STK39: variants seen among roughly 807,000 people sequenced by gnomAD.
The protein encoded by STK39 is STE20/SPS1-related proline-alanine-rich protein kinase.
Under a neutral mutation model 77.8 loss-of-function variants are expected in STK39, and 20 were observed. The observed-to-expected ratio is 0.26, with a 90% CI of 0.18 to 0.37. STK39 has a LOEUF of 0.37. Among genes scored for constraint, STK39 ranks in the 10% least tolerant of loss-of-function variants. The probability of loss-of-function intolerance (pLI) is 1.00; values close to 1 mark genes in which losing one functional copy is unlikely to be tolerated. For synonymous variants in STK39, 246 were observed against 234.1 expected, an observed-to-expected ratio of 1.05 and a Z score of -0.47; for missense variants, 479 against 656.5, an observed-to-expected ratio of 0.73 and a Z score of 2.95.
At chr2:168,118,226 G>A (rs1687308254) in intron 10 of STK39, among the ~76,000 whole-genome samples, 1 of 152,112 alleles carries the variant, frequency 6.6e-6, no homozygotes. Context: ...GCTAGCTCAT[G>A]CACGCAAGCT....
intron 16 of STK39, among the ~76,000 whole-genome samples, chr2:167,984,333 G>C (rs1288500686): frequency 6.6e-6 from 1 of 152,202 alleles, no homozygotes; most frequent in Non-Finnish European, 1.5e-5. Flanking sequence ...ACCACCTGGA[G>C]AGTTCTGGGT....
chr2:168,043,896 C>T lies in STK39; in HGVS notation c.1376+19604G>A, dbSNP rs184966985. Among the ~76,000 whole-genome samples, 945 of 152,066 alleles carry T rather than the reference C, an allele frequency of 6.2e-3. 4 individuals are homozygous for T. Among genetic ancestry groups the T allele is most frequent in the Non-Finnish European group, 8.6e-3 (587 of 67,942 alleles). On this transcript the variant is annotated intron_variant, in intron 14 of 17. Coordinates refer to ENST00000355999, the MANE Select transcript of STK39 (RefSeq NM_013233.3). ...TATAGAAATTCCCTAGAGTGAGAAT[C>T]TCTTTATATAAAATAATTCCCTACA...
chr2:168,186,932 GT>G (rs1689223576), intron 1 of STK39, among the ~76,000 whole-genome samples: 1 of 152,196 alleles, frequency 6.6e-6, no homozygotes, highest in Non-Finnish European at 1.5e-5. Context: ...GATTTCTAAA[GT>G]CTGATACAGC....
chr2:168,238,947 T>C (rs979529466), intron 1 of STK39, among the ~76,000 whole-genome samples: 5 of 152,186 alleles, frequency 3.3e-5, no homozygotes, highest in Non-Finnish European at 5.9e-5. Flanking sequence ...ATGGAGAATT[T>C]TATTTAAATA....
chr2:168,090,783 T>C (rs954680178), intron 10 of STK39, among the ~76,000 whole-genome samples: 2 of 152,124 alleles, frequency 1.3e-5, no homozygotes, highest in African/African-American at 2.4e-5. Flanking sequence ...CTTTTCGCTG[T>C]GGGGATGTGG....
chr2:168,041,414 T>C (rs983088018), intron 14 of STK39, among the ~76,000 whole-genome samples: 12 of 152,068 alleles, frequency 7.9e-5, no homozygotes, highest in African/African-American at 2.9e-4. Context: ...TCCTATACTG[T>C]ATGGTTTACA....
At chr2:168,246,974 A>G (rs1485189309) in intron 1 of STK39, among the ~76,000 whole-genome samples, 1 of 149,190 alleles carries the variant, frequency 6.7e-6, no homozygotes, top group African/African-American at 2.5e-5. Flanking sequence ...AGTTTGCAGC[A>G]TGCGGCTCGT....
chr2:168,065,277 C>G (rs1184021447), intron 13 of STK39, 42 bp downstream of exon 13: 2 of 1,607,272 alleles, frequency 1.2e-6, no homozygotes, highest in South Asian at 1.1e-5. Context: ...AAGGATCTGT[C>G]TACAAAGCAC....
intron 14 of STK39, among the ~76,000 whole-genome samples, chr2:168,060,600 T>C (rs1296586715): frequency 6.6e-6 from 1 of 152,228 alleles, no homozygotes; most frequent in African/African-American, 2.4e-5. Context: ...TACCAACAAT[T>C]AGATATCAAC....
chr2:168,001,270 A>G (rs1683992577), intron 16 of STK39, among the ~76,000 whole-genome samples: 1 of 74,162 alleles, frequency 1.3e-5, no homozygotes, highest in African/African-American at 6.5e-5. Flanking sequence ...GAAACACATC[A>G]AAAAAAAAAA....
chr2:168,021,842 A>C (rs1380601206), intron 14 of STK39, among the ~76,000 whole-genome samples: 1 of 152,058 alleles, frequency 6.6e-6, no homozygotes, highest in African/African-American at 2.4e-5. Context: ...AAAAGGTACA[A>C]TAGGGCATTA....
intron 17 of STK39, among the ~76,000 whole-genome samples, chr2:167,958,072 T>C (rs142600356): frequency 8.3e-4 from 126 of 152,316 alleles, no homozygotes; most frequent in African/African-American, 3.0e-3. Flanking sequence ...ATGAGGGTGA[T>C]ATGCAAATGA....
At chr2:168,142,533 G>A (rs1385327838) in intron 5 of STK39, among the ~76,000 whole-genome samples, 1 of 152,014 alleles carries the variant, frequency 6.6e-6, no homozygotes, top group African/African-American at 2.4e-5. Context: ...CATAATCCAG[G>A]TAAAAATCCA....
intron 14 of STK39, among the ~76,000 whole-genome samples, chr2:168,052,870 T>G (rs535067216): frequency 6.6e-6 from 1 of 152,350 alleles, no homozygotes; most frequent in African/African-American, 2.4e-5. Context: ...AGCTTCTTAG[T>G]GCAGGGACCT....
At chr2:167,987,679 C>T (rs1466747792) in intron 16 of STK39, among the ~76,000 whole-genome samples, 2 of 152,056 alleles carry the variant, frequency 1.3e-5, no homozygotes, top group Non-Finnish European at 2.9e-5. Context: ...AGTTCAAAGA[C>T]CAGGCCTGTA....
intron 2 of STK39, among the ~76,000 whole-genome samples, chr2:168,169,696 T>A (rs569816418): frequency 6.7e-6 from 1 of 149,660 alleles, no homozygotes. Context: ...CCTATAGATA[T>A]AACTTAGCAA....
intron 10 of STK39, among the ~76,000 whole-genome samples, chr2:168,115,725 T>TTG (rs1376707527): frequency 6.6e-6 from 1 of 152,168 alleles, no homozygotes; most frequent in Non-Finnish European, 1.5e-5. Context: ...GATTCCAACT[T>TTG]TGTTTTCTGG....
chr2:168,216,144 C>CAG (rs546568039), intron 1 of STK39, among the ~76,000 whole-genome samples: 1 of 151,668 alleles, frequency 6.6e-6, no homozygotes, highest in Non-Finnish European at 1.5e-5. Context: ...ATAGGCCTCC[C>CAG]GTGCTTCCTC....
At chr2:168,063,667 G>T in intron 13 of STK39, 97 bp from the exon 14 acceptor site, 1 of 1,182,612 alleles carries the variant, frequency 8.5e-7, no homozygotes, top group Non-Finnish European at 1.2e-6. Flanking sequence ...ATTTCTTTCT[G>T]GAAATTTCAA....
Sources: allele counts gnomAD v4.1 joint callset (sites outside exome capture counted in the v4.1 genomes callset), GRCh38; gene constraint gnomAD v4.1.1; transcripts MANE v1.5; gene names NCBI Gene and HGNC (gene_info 2026-07-23, HGNC 2026-07-21).